Variants in DAZL observed in about 807,000 individuals in gnomAD.
DAZL encodes the protein deleted in azoospermia like.
DAZL carries 4 observed loss-of-function variants against 45.0 expected under a neutral mutation model. That is an observed-to-expected ratio of 0.09 (90% CI 0.04 to 0.20). The LOEUF (loss-of-function observed/expected upper bound fraction) is 0.20, where lower values mean the gene tolerates loss of function less well. DAZL is among the 10% of genes least tolerant of loss of function. The pLI is 1.00. For missense variants in DAZL, 326 were observed against 351.3 expected (o/e 0.93, Z 0.58); for synonymous variants, 122 against 112.4 (o/e 1.09, Z -0.54).
rs1328226972 is a variant in DAZL, at chr3:16,605,237, CCAG to C, written c.-35_-33del. On this transcript the variant is annotated 5_prime_UTR_variant, in exon 1 of 11. Coordinates refer to ENST00000399444, the MANE Select transcript of DAZL (RefSeq NM_001351.4). ...GGCAGGCAGCAGTTCCCGACCGGCT[CCAG>C]GAGGAGCAGAGGCTGTGCTTGGCGC... is the stretch of plus-strand genomic sequence containing the variant. The C allele has an allele frequency of 7.4e-6, 12 of 1,613,962 alleles. No individual in the cohort carries two copies. Among genetic ancestry groups the C allele is most frequent in the East Asian group, 2.2e-5 (1 of 44,878 alleles).
chr3:16,588,729 A>G lies in DAZL; in HGVS notation c.835-16T>C, dbSNP rs773658922. On this transcript the variant is annotated splice_polypyrimidine_tract_variant and intron_variant, in intron 10 of 10. Coordinates refer to ENST00000399444, the MANE Select transcript of DAZL (RefSeq NM_001351.4). Reference sequence around the variant, plus strand: ...CTCTTTTATCCTGGAAAAGACAGAAAGAGTCCTTTTACTTTACTGAAAATT... The same window carrying G: ...CTCTTTTATCCTGGAAAAGACAGAAGGAGTCCTTTTACTTTACTGAAAATT... 1.4e-5 allele frequency: 22 copies of G among 1,607,866 alleles called. No homozygotes were observed. Among genetic ancestry groups the G allele is most frequent in the African/African-American group, 4.0e-5 (3 of 74,778 alleles).
intron 4 of DAZL, 48 bp downstream of exon 4, chr3:16,597,442 A>C (rs1694617642): frequency 8.5e-7 from 1 of 1,171,108 alleles, no homozygotes; most frequent in East Asian, 2.3e-5. Context: ...CTTGACACTA[A>C]ACATTGTATC....
intron 4 of DAZL, 115 bp from the exon 5 acceptor site, chr3:16,597,166 C>T (rs1694613182): frequency 8.1e-7 from 1 of 1,229,024 alleles, no homozygotes; most frequent in Non-Finnish European, 1.2e-6. Context: ...TCAGTGATAA[C>T]TACACACCAA....
rs1292956423 is a variant in DAZL, at chr3:16,588,526, GA to G, written c.*133del. On this transcript the variant is annotated 3_prime_UTR_variant, in exon 11 of 11. Coordinates refer to ENST00000399444, the MANE Select transcript of DAZL (RefSeq NM_001351.4). ...AAGAACAGTTTAAGATAAAACTAGA[GA>G]GTCTAATAATACAACTTATACACAA... The G allele has an allele frequency of 2.7e-6, 2 of 736,526 alleles. No homozygotes were observed. The highest frequency in any genetic ancestry group is 3.5e-5 in the African/African-American group (2 of 57,262). 45.6% of individuals were successfully genotyped at this position (736,526 alleles called of 1,614,324 possible). A position where few individuals can be genotyped will look rare whatever the true frequency, so the allele number is the denominator to read the frequency against.
intron 1 of DAZL, chr3:16,604,470 T>C (rs935623854): frequency 2.4e-5 from 37 of 1,530,298 alleles, no homozygotes; most frequent in Non-Finnish European, 3.1e-5. Flanking sequence ...TCAGGCGAGC[T>C]TTTCTGTCGC....
At chr3:16,597,348 G>A (rs1477071012) in intron 4 of DAZL, 142 bp downstream of exon 4, 2 of 741,392 alleles carry the variant, frequency 2.7e-6, no homozygotes, top group Non-Finnish European at 4.6e-6. Context: ...GTTCTAACAA[G>A]TTATGTAAGA....
chr3:16,599,191 A>C (rs897952976), intron 1 of DAZL, among the ~76,000 whole-genome samples: 2 of 151,074 alleles, frequency 1.3e-5, no homozygotes, highest in East Asian at 2.1e-4. Context: ...ACTTAAAAAA[A>C]AAACAAACCC....
At chr3:16,603,570 C>G (rs1694725547) in intron 1 of DAZL, among the ~76,000 whole-genome samples, 1 of 152,092 alleles carries the variant, frequency 6.6e-6, no homozygotes, top group Admixed American at 6.5e-5. Flanking sequence ...TGGTCTCGAA[C>G]TCCTGACCTC....
At chr3:16,602,064 G>A (rs142830882) in intron 1 of DAZL, among the ~76,000 whole-genome samples, 6 of 152,166 alleles carry the variant, frequency 3.9e-5, no homozygotes, top group Middle Eastern at 3.4e-3. Context: ...AAGAAAATAT[G>A]ACATGAAAAT....
intron 8 of DAZL, 110 bp downstream of exon 8, chr3:16,594,423 T>A (rs560990743): frequency 4.5e-4 from 366 of 818,822 alleles, no homozygotes; most frequent in Non-Finnish European, 6.4e-4. Context: ...TACAAAAAAC[T>A]ATTTAAAAAT....
intron 10 of DAZL, among the ~76,000 whole-genome samples, chr3:16,591,333 A>G (rs1287787847): frequency 1.3e-5 from 2 of 151,766 alleles, no homozygotes; most frequent in Admixed American, 6.6e-5. Context: ...TCTACTCAAC[A>G]TTTTACTGCT....
chr3:16,596,147 G>A (rs113247216), intron 6 of DAZL, among the ~76,000 whole-genome samples: 2,355 of 152,090 alleles, frequency 0.015, 25 homozygotes, highest in Non-Finnish European at 0.024. Context: ...TTCCAGCAAA[G>A]ACAATGTCTT....
chr3:16,604,544 G>T, intron 1 of DAZL: 1 of 1,458,714 alleles, frequency 6.9e-7, no homozygotes, highest in Non-Finnish European at 9.0e-7. Flanking sequence ...GGGACCAGAG[G>T]CACTTCCGGC....
chr3:16,599,625 A>C (rs1370467689), intron 1 of DAZL, among the ~76,000 whole-genome samples: 1 of 152,242 alleles, frequency 6.6e-6, no homozygotes, highest in African/African-American at 2.4e-5. Context: ...AGGCAGATAT[A>C]AATTATACCA....
At chr3:16,590,224 G>A (rs547144560) in intron 10 of DAZL, among the ~76,000 whole-genome samples, 7 of 125,644 alleles carry the variant, frequency 5.6e-5, no homozygotes, top group African/African-American at 1.8e-4. Context: ...TATGTAGAAT[G>A]AAGCAACAAG....
rs1694619702 is a variant in DAZL, at chr3:16,597,559, T to C, written c.243-18A>G. ...ATCCATAGCTATAAAGGCAGATAAA[T>C]GAAGTATAAAATCACCATCATACAG... On this transcript the variant is annotated intron_variant, in intron 3 of 10. Coordinates refer to ENST00000399444, the MANE Select transcript of DAZL (RefSeq NM_001351.4). 6.5e-7 allele frequency: 1 copy of C among 1,527,170 alleles called. No homozygotes were observed. The highest frequency in any genetic ancestry group is 2.3e-5 in the East Asian group (1 of 44,290). 94.6% of individuals were successfully genotyped at this position (1,527,170 alleles called of 1,614,324 possible).
chr3:16,591,106 T>C (rs535724808), intron 10 of DAZL, among the ~76,000 whole-genome samples: 1 of 152,348 alleles, frequency 6.6e-6, no homozygotes, highest in South Asian at 2.1e-4. Context: ...CTGACCAAGT[T>C]AGTTCTTTTT....
intron 1 of DAZL, among the ~76,000 whole-genome samples, chr3:16,600,259 GAATT>G (rs777159872): frequency 1.4e-4 from 21 of 152,216 alleles, no homozygotes; most frequent in Admixed American, 3.9e-4. Context: ...AATTTTATAG[GAATT>G]AATAAGAAAG....
chr3:16,588,347 A>T lies in DAZL; in HGVS notation c.*313T>A. On this transcript the variant is annotated 3_prime_UTR_variant, in exon 11 of 11. Coordinates refer to ENST00000399444, the MANE Select transcript of DAZL (RefSeq NM_001351.4). ...CCTTTCAAAATAGGTTTTTAAAAAC[A>T]TTTTTTTGAAAATCAGTATTTGCTT... 1 of 325,240 alleles carries T rather than the reference A, an allele frequency of 3.1e-6. No homozygotes were observed. The highest frequency in any genetic ancestry group is 5.9e-6 in the Non-Finnish European group (1 of 170,138). 20.1% of individuals were successfully genotyped at this position (325,240 alleles called of 1,614,324 possible).
Sources: gnomAD v4.1 joint callset for allele counts (sites outside exome capture counted in the v4.1 genomes callset) on GRCh38, gnomAD v4.1.1 for gene constraint, MANE v1.5 for transcripts, NCBI Gene and HGNC (gene_info 2026-07-23, HGNC 2026-07-21) for gene names.